APLF: variants seen among roughly 807,000 people sequenced by gnomAD.
The protein encoded by APLF is aprataxin and PNKP like factor.
Under a neutral mutation model 55.6 loss-of-function variants are expected in APLF, and 61 were observed. That is an observed-to-expected ratio of 1.10 (90% CI 0.89 to 1.36). The LOEUF (loss-of-function observed/expected upper bound fraction) is 1.36. Among genes scored for constraint, APLF ranks in the 40% most tolerant of loss-of-function variants. The probability of loss-of-function intolerance (pLI) is 0.00; values close to 1 mark genes in which losing one functional copy is unlikely to be tolerated. For missense variants in APLF, 611 were observed against 602.5 expected, an observed-to-expected ratio of 1.01 and a Z score of -0.15; for synonymous variants, 207 against 214.8, an observed-to-expected ratio of 0.96 and a Z score of 0.32.
rs576740600 is a variant in APLF at position 68,511,002 on chromosome 2, C to T, written c.342-2078C>T. 1.4e-4 allele frequency among the ~76,000 whole-genome samples: 22 copies of T among 151,796 alleles called. 1 individual carries two copies. In the South Asian group the frequency reaches 3.9e-3, roughly 27 times the overall value. On this transcript the variant is annotated intron_variant, in intron 3 of 9. Transcript: ENST00000303795. ...GAGACAGAAGGTAGATTAATGGTTGCGAGGAGCAGGAGGAAGAGGCAATAG... is the reference window on the plus strand; with the variant it reads ...GAGACAGAAGGTAGATTAATGGTTGTGAGGAGCAGGAGGAAGAGGCAATAG...
rs1217468575 is a variant in APLF at position 68,525,738 on chromosome 2, CTTTCTTTTTTT to C, written c.623-319_623-309del. ...CCCTTTTATCCTTTTTATTTTCTTT[CTTTCTTTTTTT>C]TTTTTTTTTTTTTTTTTTAACACAG... On this transcript the variant is annotated intron_variant, in intron 5 of 9. Coordinates refer to ENST00000303795, the MANE Select transcript of APLF (RefSeq NM_173545.3). 1.5e-4 allele frequency among the ~76,000 whole-genome samples: 16 copies of C among 106,852 alleles called. 1 individual carries two copies. Among genetic ancestry groups the C allele is most frequent in the African/African-American group, 7.5e-4 (16 of 21,386 alleles). The allele number at this position is 106,852 out of a possible 152,430, so 70.1% of individuals were successfully genotyped here. A position where few individuals can be genotyped will look rare whatever the true frequency, so the allele number is the denominator to read the frequency against.
At chr2:68,509,461 G>GA (rs1450624896) in intron 3 of APLF, among the ~76,000 whole-genome samples, 2 of 152,056 alleles carry the variant, frequency 1.3e-5, no homozygotes, top group Non-Finnish European at 2.9e-5. Flanking sequence ...ACAGACACAT[G>GA]AAAAAATGCT....
In APLF at chr2:68,513,243, T is replaced by G; in HGVS notation, c.489+16T>G. On this transcript the variant is annotated intron_variant, in intron 4 of 9. Transcript: ENST00000303795. ...AAATAGTGTGGTGAGAAATTTGATATCTCATCCATTTATAACATGTTCTTC... is the reference window on the plus strand; with the variant it reads ...AAATAGTGTGGTGAGAAATTTGATAGCTCATCCATTTATAACATGTTCTTC... 1.9e-6 allele frequency: 3 copies of G among 1,593,234 alleles called. No homozygotes were observed. The highest frequency in any genetic ancestry group is 2.6e-6 in the Non-Finnish European group (3 of 1,172,184).
intron 5 of APLF, among the ~76,000 whole-genome samples, chr2:68,516,885 TATAATATA>T (rs1314792362): frequency 7.5e-6 from 1 of 132,886 alleles, no homozygotes; most frequent in South Asian, 2.1e-4. Context: ...TAATGTTATA[TATAATATA>T]ATAATATATT....
intron 5 of APLF, among the ~76,000 whole-genome samples, chr2:68,524,909 G>C (rs1483989450): frequency 1.3e-5 from 2 of 152,148 alleles, no homozygotes; most frequent in African/African-American, 4.8e-5. Flanking sequence ...AGTGTCTTAG[G>C]TTTGCCAACT....
intron 2 of APLF, 68 bp downstream of exon 2, chr2:68,490,329 C>A: frequency 3.0e-6 from 4 of 1,352,832 alleles, no homozygotes; most frequent in Non-Finnish European, 4.1e-6. Flanking sequence ...AGCAGAGGTG[C>A]CTATTTTCTA....
At chr2:68,567,722 G>C (rs1671345608) in intron 9 of APLF, among the ~76,000 whole-genome samples, 1 of 152,020 alleles carries the variant, frequency 6.6e-6, no homozygotes, top group Non-Finnish European at 1.5e-5. Flanking sequence ...ATTTAGATAA[G>C]CTATATTGCT....
intron 2 of APLF, among the ~76,000 whole-genome samples, chr2:68,498,346 C>T (rs920858050): frequency 6.6e-6 from 1 of 152,210 alleles, no homozygotes; most frequent in Non-Finnish European, 1.5e-5. Context: ...CTGTATACTG[C>T]ATGCCCCAAA....
Position 68,518,766 on chromosome 2 carries a change from AATAAT to A in APLF, c.622+5090_622+5094del, listed in dbSNP as rs1669765799. 2.7e-5 allele frequency among the ~76,000 whole-genome samples: 3 copies of A among 112,538 alleles called. No individual in the cohort carries two copies. The Admixed American group carries it at 3.4e-4, about 13-fold the overall frequency. The allele number at this position is 112,538 out of a possible 152,430, so 73.8% of individuals were successfully genotyped here. ...TATCATTAATATATAATAAAATATTAATAATATATCATTATATAATAAAATATTAA... is the reference window on the plus strand; with the variant it reads ...TATCATTAATATATAATAAAATATTAATATCATTATATAATAAAATATTAA... On this transcript the variant is annotated intron_variant, in intron 5 of 9. Coordinates refer to ENST00000303795, the MANE Select transcript of APLF (RefSeq NM_173545.3).
intron 5 of APLF, among the ~76,000 whole-genome samples, chr2:68,518,409 A>AT (rs370921777): frequency 6.4e-5 from 7 of 109,984 alleles, no homozygotes; most frequent in African/African-American, 2.7e-4. Flanking sequence ...ACAATATATT[A>AT]TATATTATAT....
At chr2:68,521,258 G>A (rs79198793) in intron 5 of APLF, among the ~76,000 whole-genome samples, 1 of 151,572 alleles carries the variant, frequency 6.6e-6, no homozygotes, top group East Asian at 1.9e-4. Context: ...GGGTTTTCTA[G>A]GTATATGATT....
At chr2:68,470,372 G>C (rs770984504) in intron 1 of APLF, among the ~76,000 whole-genome samples, 1 of 152,200 alleles carries the variant, frequency 6.6e-6, no homozygotes, top group Non-Finnish European at 1.5e-5. Context: ...AGGGATATTT[G>C]TGGTGATAGA....
chr2:68,471,408 G>A (rs1391794780), intron 1 of APLF, among the ~76,000 whole-genome samples: 3 of 152,322 alleles, frequency 2.0e-5, no homozygotes, highest in East Asian at 3.9e-4. Flanking sequence ...AGAAATAAAG[G>A]TGAATGAGAA....
At chr2:68,539,551 C>T (rs1670490696) in intron 7 of APLF, among the ~76,000 whole-genome samples, 1 of 152,112 alleles carries the variant, frequency 6.6e-6, no homozygotes, top group Non-Finnish European at 1.5e-5. Flanking sequence ...TTTTAAAGCC[C>T]CTATCTCCAA....
chr2:68,555,664 G>A (rs529804518), intron 8 of APLF, among the ~76,000 whole-genome samples: 5 of 152,056 alleles, frequency 3.3e-5, no homozygotes, highest in Admixed American at 1.3e-4. Context: ...ACCACCCTGC[G>A]CCTGCAAGAA....
chr2:68,520,188 G>GT (rs1368868362), intron 5 of APLF, among the ~76,000 whole-genome samples: 34 of 151,720 alleles, frequency 2.2e-4, no homozygotes, highest in Middle Eastern at 3.4e-3. Flanking sequence ...TTGCTGATTT[G>GT]TTTTTTCTTG....
chr2:68,478,713 C>G lies in APLF; in HGVS notation c.96+10886C>G, dbSNP rs528209199. Among the ~76,000 whole-genome samples the G allele has an allele frequency of 4.6e-5, 7 of 151,756 alleles. No individual in the cohort carries two copies. In the East Asian group the frequency reaches 1.4e-3, roughly 29 times the overall value. On this transcript the variant is annotated intron_variant, in intron 1 of 9. Transcript: ENST00000303795. Reference sequence around the variant, plus strand: ...GTTTTTTAATGTAGATCAAAGTGCCCTACTCTGGAAAAAAAAAATGCCACA... The same window carrying G: ...GTTTTTTAATGTAGATCAAAGTGCCGTACTCTGGAAAAAAAAAATGCCACA...
At position 68,578,343 on chromosome 2, in the gene APLF, T is replaced by C. The variant is rs150512704; in HGVS notation, c.*321T>C. 11 of 1,032,632 alleles carry C rather than the reference T, an allele frequency of 1.1e-5. No individual in the cohort carries two copies. Among genetic ancestry groups the C allele is most frequent in the East Asian group, 1.7e-4 (2 of 11,446 alleles). 64.0% of individuals were successfully genotyped at this position (1,032,632 alleles called of 1,614,324 possible). ...AAAAGCCATAGGTTGCATAAAACTTTGGTCTTTTTAAATTTTTTTCCAAAG... is the reference window on the plus strand; with the variant it reads ...AAAAGCCATAGGTTGCATAAAACTTCGGTCTTTTTAAATTTTTTTCCAAAG... On this transcript the variant is annotated 3_prime_UTR_variant, in exon 10 of 10. Coordinates refer to ENST00000303795, the MANE Select transcript of APLF (RefSeq NM_173545.3).
At position 68,498,601 on chromosome 2, in the gene APLF, G is replaced by C. The variant is rs565513186; in HGVS notation, c.169-4130G>C. 1.3e-4 allele frequency among the ~76,000 whole-genome samples: 20 copies of C among 152,308 alleles called. No individual in the cohort carries two copies. The South Asian group carries it at 3.9e-3, about 30-fold the overall frequency. ...AGGAGATGATGCTAGCTCATGAGGAGATGATGTTAGCTTTTTTATATTTCA... is the reference window on the plus strand; with the variant it reads ...AGGAGATGATGCTAGCTCATGAGGACATGATGTTAGCTTTTTTATATTTCA... On this transcript the variant is annotated intron_variant, in intron 2 of 9. Transcript: ENST00000303795.
Sources: allele counts gnomAD v4.1 joint callset (sites outside exome capture counted in the v4.1 genomes callset), GRCh38; gene constraint gnomAD v4.1.1; transcripts MANE v1.5; gene names NCBI Gene and HGNC (gene_info 2026-07-23, HGNC 2026-07-21).